CELF2: variants seen among roughly 807,000 people sequenced by gnomAD.
The protein encoded by CELF2 is CUGBP Elav-like family member 2, also known as CUG triplet repeat RNA-binding protein 2.
A neutral mutation model predicts 62.6 loss-of-function variants in CELF2; 8 were observed. That is an observed-to-expected ratio of 0.13 (90% CI 0.07 to 0.23). The LOEUF (loss-of-function observed/expected upper bound fraction) is 0.23, where lower values mean the gene tolerates loss of function less well. Ranked by LOEUF, CELF2 falls within the 10% of genes least tolerant of loss-of-function variation. The pLI, the probability that CELF2 is intolerant of heterozygous loss-of-function variation, is 1.00. For missense variants in CELF2, 333 were observed against 671.0 expected, an observed-to-expected ratio of 0.50 and a Z score of 5.56; for synonymous variants, 258 against 250.0, an observed-to-expected ratio of 1.03 and a Z score of -0.30.
In CELF2 at chr10:11,095,610, A is replaced by G. The variant is rs190148671; in HGVS notation, c.75-69876A>G. 1.4e-3 allele frequency among the ~76,000 whole-genome samples: 211 copies of G among 152,334 alleles called. 1 individual carries two copies. The highest frequency in any genetic ancestry group is 7.6e-4 in the Non-Finnish European group (52 of 68,030). On this transcript the variant is annotated intron_variant, in intron 1 of 12. Coordinates refer to ENST00000633077, the MANE Select transcript of CELF2 (RefSeq NM_001326342.2). ...TTTTTAACTGTAACAATGAGTTGTC[A>G]CTGGGAAACAGCATCTCAGCTTGGG...
intron 2 of CELF2, chr10:10,946,329 C>T (rs2047677712): frequency 6.6e-6 from 1 of 152,360 alleles, no homozygotes; most frequent in African/African-American, 2.4e-5. Context: ...GCACGTGATA[C>T]TCATTAAGGG....
the CELF2 span, among the ~76,000 whole-genome samples, chr10:10,470,491 G>C: frequency 4.0e-5 from 6 of 151,762 alleles, no homozygotes; most frequent in Non-Finnish European, 7.4e-5. Flanking sequence ...GTAGAACTCA[G>C]ATCCCTGTTT....
intron 1 of CELF2, among the ~76,000 whole-genome samples, chr10:10,870,325 C>A (rs1716242954): frequency 6.6e-6 from 1 of 151,564 alleles, no homozygotes; most frequent in South Asian, 2.1e-4. Context: ...AAATGTATTG[C>A]CTATCTCGGG....
At position 11,331,700 on chromosome 10, in the gene CELF2, C is replaced by T. The variant is rs751039335; in HGVS notation, c.*2647C>T. ...AATTGTTATTGTTTGTTATTTCTCT[C>T]TGATGTTTTTTGTAAGACATTGTAT... On this transcript the variant is annotated 3_prime_UTR_variant, in exon 13 of 13. Coordinates refer to ENST00000633077, the MANE Select transcript of CELF2 (RefSeq NM_001326342.2). 1 of 152,478 alleles carries T rather than the reference C, an allele frequency of 6.6e-6. No individual in the cohort carries two copies. Among genetic ancestry groups the T allele is most frequent in the Non-Finnish European group, 1.5e-5 (1 of 68,018 alleles). The allele number at this position is 152,478 out of a possible 1,614,324, so 9.4% of individuals were successfully genotyped here. A position where few individuals can be genotyped will look rare whatever the true frequency, so the allele number is the denominator to read the frequency against.
chr10:11,046,676 G>A lies in CELF2; in HGVS notation c.74+28513G>A, dbSNP rs115172574. Among the ~76,000 whole-genome samples the A allele has an allele frequency of 7.4e-3, 1,123 of 152,124 alleles. 8 individuals carry two copies. Among genetic ancestry groups the A allele is most frequent in the African/African-American group, 0.025 (1,025 of 41,488 alleles). On this transcript the variant is annotated intron_variant, in intron 1 of 12. Transcript: ENST00000633077. The surrounding 1 kb of genome is among the most constrained non-coding windows in gnomAD (Gnocchi z 4.6). ...TTCAGACGGACGCTAATAACAGCCC[G>A]CAGAACCCTCAGGACCCATACAGGA...
chr10:10,719,035 G>T, the CELF2 span, among the ~76,000 whole-genome samples: 8 of 145,600 alleles, frequency 5.5e-5, no homozygotes, highest in African/African-American at 2.0e-4. Context: ...ACCCAGGCTG[G>T]AGTACAGTGG....
chr10:10,587,736 C>T, the CELF2 span, among the ~76,000 whole-genome samples: 1 of 152,210 alleles, frequency 6.6e-6, no homozygotes, highest in Admixed American at 6.5e-5. Flanking sequence ...AGAATTCCAG[C>T]TCAACTCTTT....
At chr10:10,728,183 T>C in the CELF2 span, among the ~76,000 whole-genome samples, 1 of 150,444 alleles carries the variant, frequency 6.6e-6, no homozygotes, top group Non-Finnish European at 1.5e-5. Context: ...CTCATGCCTG[T>C]AAATCCCAGC....
intron 2 of CELF2, among the ~76,000 whole-genome samples, chr10:10,967,965 G>A (rs1157394533): frequency 6.6e-6 from 1 of 151,980 alleles, no homozygotes; most frequent in Non-Finnish European, 1.5e-5. Context: ...CTAGTACTGA[G>A]GGAGAAAAAA....
At chr10:10,893,124 A>G (rs2062268945) in intron 1 of CELF2, among the ~76,000 whole-genome samples, 2 of 152,226 alleles carry the variant, frequency 1.3e-5, no homozygotes, top group Admixed American at 1.3e-4. Flanking sequence ...GCCCTTTAAA[A>G]TACAGCAGCA....
rs1272775724 is a variant in CELF2 at position 11,305,646 on chromosome 10, C to T, written c.977-8493C>T. 6.6e-6 allele frequency among the ~76,000 whole-genome samples: 1 copy of T among 152,212 alleles called. No homozygotes were observed. The highest frequency in any genetic ancestry group is 1.9e-4 in the East Asian group (1 of 5,204). ...CAGGTGATGATCTAGCACCTAATGA[C>T]CTAGGCACTCGGTCTCTGACCTACA... On this transcript the variant is annotated intron_variant, in intron 9 of 12. Coordinates refer to ENST00000633077, the MANE Select transcript of CELF2 (RefSeq NM_001326342.2). This position sits in a 1 kb window ranked among gnomAD's most constrained non-coding sequence, Gnocchi z 4.8.
the CELF2 span, among the ~76,000 whole-genome samples, chr10:10,682,235 C>T: frequency 6.6e-6 from 1 of 152,334 alleles, no homozygotes; most frequent in East Asian, 1.9e-4. Context: ...CGGGGAACAA[C>T]AAGCCTTCCA....
chr10:11,161,789 T>A (rs949404747), intron 1 of CELF2, among the ~76,000 whole-genome samples: 1 of 152,186 alleles, frequency 6.6e-6, no homozygotes, highest in African/African-American at 2.4e-5. Context: ...AAATAGGAGA[T>A]CTTCTCAGGG....
the CELF2 span, among the ~76,000 whole-genome samples, chr10:10,716,456 G>A: frequency 6.6e-5 from 10 of 152,252 alleles, no homozygotes; most frequent in African/African-American, 1.2e-4. Context: ...TGGGAGGATC[G>A]CTTGAGCCCA....
chr10:11,188,872 C>T (rs1332515458), intron 2 of CELF2, among the ~76,000 whole-genome samples: 1 of 152,074 alleles, frequency 6.6e-6, no homozygotes, highest in Non-Finnish European at 1.5e-5. Context: ...ACACAGTTCA[C>T]TCATCTTTTC....
At chr10:10,480,422 C>A in the CELF2 span, among the ~76,000 whole-genome samples, 1 of 152,190 alleles carries the variant, frequency 6.6e-6, no homozygotes, top group Non-Finnish European at 1.5e-5. Flanking sequence ...CCAAGCTCTC[C>A]TGACCCACTG....
Position 10,938,138 on chromosome 10 carries a change from CAT to C in CELF2, c.89+18141_89+18142del, listed in dbSNP as rs2046629087. Among the ~76,000 whole-genome samples the C allele has an allele frequency of 6.6e-6, 1 of 152,166 alleles. No homozygotes were observed. The highest frequency in any genetic ancestry group is 2.4e-5 in the African/African-American group (1 of 41,446). On this transcript the variant is annotated intron_variant, in intron 2 of 13. Transcript: ENST00000636488. This position sits in a 1 kb window ranked among gnomAD's most constrained non-coding sequence, Gnocchi z 4.2. ...TAATACTGAATATGCAGAATTCAAT[CAT>C]AGAAAACTAATCACTTTAGTGAAAA...
chr10:10,679,506 T>C, the CELF2 span, among the ~76,000 whole-genome samples: 1 of 152,144 alleles, frequency 6.6e-6, no homozygotes, highest in African/African-American at 2.4e-5. Flanking sequence ...GCCAGGCTGG[T>C]CTCAAACTCC....
chr10:10,533,812 G>A, the CELF2 span, among the ~76,000 whole-genome samples: 319 of 152,338 alleles, frequency 2.1e-3, 3 homozygotes, highest in Non-Finnish European at 3.4e-3. Flanking sequence ...TTGACGGCAA[G>A]TAGTAGAGAA....
Sources: gnomAD v4.1 joint callset for allele counts (sites outside exome capture counted in the v4.1 genomes callset) on GRCh38, gnomAD v4.1.1 for gene constraint, Gnocchi (gnomAD v3.1) non-coding constraint, MANE v1.5 for transcripts, NCBI Gene and HGNC (gene_info 2026-07-23, HGNC 2026-07-21) for gene names.